Variants in HHAT observed in about 807,000 individuals in gnomAD.
HHAT encodes hedgehog acyltransferase.
In HHAT, 47 loss-of-function variants were observed where a neutral mutation model predicts 70.8. The observed-to-expected ratio is 0.66, with a 90% CI of 0.53 to 0.85. The LOEUF is 0.85. Among genes scored for constraint, HHAT ranks in the 40% least tolerant of loss-of-function variants. The probability of loss-of-function intolerance (pLI) is 0.00; values close to 1 mark genes in which losing one functional copy is unlikely to be tolerated. For missense variants in HHAT, 609 were observed against 604.8 expected (o/e 1.01, Z -0.07); for synonymous variants, 228 against 247.6 (o/e 0.92, Z 0.74).
intron 11 of HHAT, among the ~76,000 whole-genome samples, chr1:210,645,899 G>A (rs1163722604): frequency 6.6e-6 from 1 of 152,094 alleles, no homozygotes; most frequent in Admixed American, 6.5e-5. Context: ...TAGCCCACAG[G>A]GCCCCCTTTT....
At position 210,399,160 on chromosome 1, in the gene HHAT, T is replaced by G. The variant is rs1350200881; in HGVS notation, c.274-1308T>G. The stretch of plus-strand genomic sequence containing the variant: ...CCTGGGATCCACATTTTAAAATGCA[T>G]GCCCGTGAGACATCACATTTCCCTA... On this transcript the variant is annotated intron_variant, in intron 4 of 11. Transcript: ENST00000261458. Among the ~76,000 whole-genome samples the G allele has an allele frequency of 2.0e-5, 3 of 152,250 alleles. No homozygotes were observed. The East Asian group carries it at 5.8e-4, about 29-fold the overall frequency.
At chr1:210,338,440 C>CT (rs1302876442) in intron 1 of HHAT, among the ~76,000 whole-genome samples, 1 of 152,130 alleles carries the variant, frequency 6.6e-6, no homozygotes, top group Non-Finnish European at 1.5e-5. Context: ...CATTAATTAT[C>CT]TTTAAACATT....
chr1:210,522,887 A>T (rs371562553), intron 9 of HHAT, among the ~76,000 whole-genome samples: 1 of 152,066 alleles, frequency 6.6e-6, no homozygotes, highest in East Asian at 1.9e-4. Context: ...TTGACTACTT[A>T]TCTGTAAATT....
chr1:210,492,330 A>G (rs1371859948), intron 8 of HHAT, among the ~76,000 whole-genome samples: 1 of 152,274 alleles, frequency 6.6e-6, no homozygotes, highest in East Asian at 1.9e-4. Flanking sequence ...TTCTTCTCCC[A>G]GTAAACATTC....
chr1:210,328,927 G>A lies in HHAT; in HGVS notation c.-221G>A, dbSNP rs1381367095. The A allele has an allele frequency of 9.6e-7, 1 of 1,040,726 alleles. No individual in the cohort carries two copies. Among genetic ancestry groups the A allele is most frequent in the Non-Finnish European group, 1.2e-6 (1 of 807,394 alleles). 64.5% of individuals were successfully genotyped at this position (1,040,726 alleles called of 1,614,324 possible). Reference sequence around the variant, plus strand: ...GGGCACGGCGGCAGGGGCGTGCTCGGAGGACGCGCGCTGCGCTGCTCCTCC... The same window carrying A: ...GGGCACGGCGGCAGGGGCGTGCTCGAAGGACGCGCGCTGCGCTGCTCCTCC... On this transcript the variant is annotated 5_prime_UTR_variant, in exon 1 of 12. Coordinates refer to ENST00000261458, the MANE Select transcript of HHAT (RefSeq NM_018194.6).
At chr1:210,438,176 G>T (rs911276082) in intron 7 of HHAT, among the ~76,000 whole-genome samples, 1 of 149,414 alleles carries the variant, frequency 6.7e-6, no homozygotes, top group African/African-American at 2.5e-5. Context: ...CTCCGTGTTT[G>T]TGTGTGTGTG....
chr1:210,376,247 ATG>A (rs754729703), intron 3 of HHAT, among the ~76,000 whole-genome samples: 3 of 152,092 alleles, frequency 2.0e-5, no homozygotes, highest in Non-Finnish European at 4.4e-5. Flanking sequence ...ATTAATGTAA[ATG>A]TTAATATTTA....
chr1:210,586,748 A>G (rs544893167), intron 9 of HHAT, among the ~76,000 whole-genome samples: 2 of 152,304 alleles, frequency 1.3e-5, no homozygotes, highest in East Asian at 1.9e-4. Context: ...ATAAAGGCCT[A>G]TGGGCTTTTT....
Position 210,642,134 on chromosome 1 carries a change from C to T in HHAT, c.1390+18464C>T, listed in dbSNP as rs192805772. 6.7e-4 allele frequency among the ~76,000 whole-genome samples: 102 copies of T among 152,276 alleles called. 1 individual carries two copies. The East Asian group carries it at 0.013, about 20-fold the overall frequency. On this transcript the variant is annotated intron_variant, in intron 11 of 11. Coordinates refer to ENST00000261458, the MANE Select transcript of HHAT (RefSeq NM_018194.6). ...CATATTGCGTTACTTTTGAGGAACA[C>T]ATCCATCACATTAAAGCAGAAGGGA... is the stretch of plus-strand genomic sequence containing the variant.
At chr1:210,535,335 G>A (rs1057336113) in intron 9 of HHAT, among the ~76,000 whole-genome samples, 1 of 151,974 alleles carries the variant, frequency 6.6e-6, no homozygotes, top group African/African-American at 2.4e-5. Context: ...GAACTTGGTG[G>A]TACTGTACAG....
chr1:210,346,116 A>T (rs958879373), intron 1 of HHAT, among the ~76,000 whole-genome samples: 26 of 151,886 alleles, frequency 1.7e-4, no homozygotes, highest in Admixed American at 1.3e-4. Flanking sequence ...TATTAAACCG[A>T]ATTTTCTAGT....
chr1:210,519,692 AT>A (rs71571953), intron 9 of HHAT, among the ~76,000 whole-genome samples: 96,906 of 151,064 alleles, frequency 0.64, 32,967 homozygotes, highest in Non-Finnish European at 0.77. Context: ...ATGCCCAGCA[AT>A]TTTTTTTGTT....
At chr1:210,661,178 G>A (rs1677623100) in intron 11 of HHAT, among the ~76,000 whole-genome samples, 2 of 151,846 alleles carry the variant, frequency 1.3e-5, no homozygotes, top group South Asian at 2.1e-4. Flanking sequence ...TCTGACAAAG[G>A]GCTAATATCC....
At chr1:210,481,802 A>T (rs143267748) in intron 8 of HHAT, among the ~76,000 whole-genome samples, 1 of 152,246 alleles carries the variant, frequency 6.6e-6, no homozygotes, top group Admixed American at 6.5e-5. Flanking sequence ...TTGAGTGTCA[A>T]TGAATGATCA....
intron 7 of HHAT, among the ~76,000 whole-genome samples, chr1:210,450,505 AAT>A (rs2093730509): frequency 6.6e-6 from 1 of 151,586 alleles, no homozygotes; most frequent in African/African-American, 2.4e-5. Context: ...TTTTTAAAAA[AAT>A]TTTTTTTGAG....
chr1:210,533,430 T>C (rs940783215), intron 9 of HHAT, among the ~76,000 whole-genome samples: 1 of 151,226 alleles, frequency 6.6e-6, no homozygotes, highest in Non-Finnish European at 1.5e-5. Context: ...TTGGGGACTG[T>C]CAACTCCAAG....
At chr1:210,387,639 A>G in intron 4 of HHAT, 58 bp downstream of exon 4, 1 of 1,343,188 alleles carries the variant, frequency 7.4e-7, no homozygotes, top group Non-Finnish European at 1.1e-6. Context: ...TCTTGTGAAG[A>G]AAGAGTCCAA....
intron 9 of HHAT, among the ~76,000 whole-genome samples, chr1:210,513,774 A>T (rs1179759711): frequency 2.0e-5 from 3 of 152,250 alleles, no homozygotes; most frequent in Admixed American, 2.0e-4. Context: ...GTCTGCTATC[A>T]ACTTTGCTGT....
In HHAT at chr1:210,553,189, G is replaced by A. The variant is rs572232232; in HGVS notation, c.1044-34709G>A. On this transcript the variant is annotated intron_variant, in intron 9 of 11. Coordinates refer to ENST00000261458, the MANE Select transcript of HHAT (RefSeq NM_018194.6). ...GTGGCTCCACTGCTGCCCAGGAAGA[G>A]GGGACCAAGGCTGGCTTCCTGGCGC... Among the ~76,000 whole-genome samples, 9 of 152,312 alleles carry A rather than the reference G, an allele frequency of 5.9e-5. No homozygotes were observed. The East Asian group carries it at 1.7e-3, about 29-fold the overall frequency.
Sources: gnomAD v4.1 joint callset for allele counts (sites outside exome capture counted in the v4.1 genomes callset) on GRCh38, gnomAD v4.1.1 for gene constraint, MANE v1.5 for transcripts, NCBI Gene and HGNC (gene_info 2026-07-23, HGNC 2026-07-21) for gene names.